TRABD2B: variants seen among roughly 807,000 people sequenced by gnomAD.
TRABD2B encodes the protein metalloprotease TIKI2.
In TRABD2B, 14 loss-of-function variants were observed where a neutral mutation model predicts 40.1. That is an observed-to-expected ratio of 0.35 (90% CI 0.23 to 0.55). The LOEUF is 0.55. Ranked by LOEUF, TRABD2B falls within the 20% of genes least tolerant of loss-of-function variation. TRABD2B has a pLI of 0.90. For synonymous variants in TRABD2B, 263 were observed against 277.0 expected, an observed-to-expected ratio of 0.95 and a Z score of 0.50; for missense variants, 541 against 648.6, an observed-to-expected ratio of 0.83 and a Z score of 1.80.
intron 2 of TRABD2B, among the ~76,000 whole-genome samples, chr1:47,986,685 T>C (rs1645923266): frequency 6.6e-6 from 1 of 151,892 alleles, no homozygotes; most frequent in African/African-American, 2.4e-5. Context: ...CCTTGAAAAA[T>C]CTCAGGATTC....
intron 2 of TRABD2B, among the ~76,000 whole-genome samples, chr1:47,956,946 G>A (rs1483268386): frequency 6.6e-6 from 1 of 152,200 alleles, no homozygotes; most frequent in African/African-American, 2.4e-5. Context: ...CTAACTGGGA[G>A]GCACCTCCCA....
intron 6 of TRABD2B, among the ~76,000 whole-genome samples, chr1:47,772,975 TCTC>T (rs1644396226): frequency 6.6e-6 from 1 of 152,228 alleles, no homozygotes; most frequent in Admixed American, 6.5e-5. Flanking sequence ...GCTGTTTTCT[TCTC>T]CTGAAATCAG....
rs149645982 is a variant in TRABD2B, at chr1:47,884,002, G to A, written c.667-82383C>T. Among the ~76,000 whole-genome samples, 9 of 152,364 alleles carry A rather than the reference G, an allele frequency of 5.9e-5. No individual in the cohort carries two copies. The East Asian group carries it at 1.7e-3, about 29-fold the overall frequency. On this transcript the variant is annotated intron_variant, in intron 2 of 6. Transcript: ENST00000606738. ...TGATTGTGCTTGACCCCCAGGGGAT[G>A]TGGGAGGATAAAATGTGGCCAGGTA...
At chr1:47,826,551 G>A (rs1486637232) in intron 2 of TRABD2B, among the ~76,000 whole-genome samples, 3 of 152,016 alleles carry the variant, frequency 2.0e-5, no homozygotes, top group African/African-American at 4.8e-5. Context: ...GTGAAGGGAC[G>A]TTTCTAGGAG....
intron 2 of TRABD2B, among the ~76,000 whole-genome samples, chr1:47,830,585 A>T (rs1645235457): frequency 6.6e-6 from 1 of 152,244 alleles, no homozygotes; most frequent in South Asian, 2.1e-4. Context: ...ACAATGTAAG[A>T]GTGGTGAAAG....
intron 2 of TRABD2B, among the ~76,000 whole-genome samples, chr1:47,920,577 T>C (rs1016272095): frequency 1.3e-5 from 2 of 152,236 alleles, no homozygotes; most frequent in African/African-American, 4.8e-5. Flanking sequence ...AGCATGGCTC[T>C]GAAGTGGGGA....
intron 2 of TRABD2B, among the ~76,000 whole-genome samples, chr1:47,913,638 A>G (rs1644791972): frequency 6.6e-6 from 1 of 152,046 alleles, no homozygotes; most frequent in African/African-American, 2.4e-5. Context: ...ATGAATACGA[A>G]CCGCTATGAA....
At chr1:47,840,722 T>C (rs897177516) in intron 2 of TRABD2B, among the ~76,000 whole-genome samples, 4 of 152,234 alleles carry the variant, frequency 2.6e-5, no homozygotes, top group Admixed American at 6.5e-5. Context: ...AACTCCCTGC[T>C]GGCAGCACTG....
At chr1:47,928,473 C>T (rs1557662392) in intron 2 of TRABD2B, among the ~76,000 whole-genome samples, 1 of 152,222 alleles carries the variant, frequency 6.6e-6, no homozygotes, top group Non-Finnish European at 1.5e-5. Flanking sequence ...CCTTCATCTG[C>T]ACTCCACAAC....
At chr1:47,823,741 G>T (rs1342805134) in intron 2 of TRABD2B, among the ~76,000 whole-genome samples, 1 of 152,216 alleles carries the variant, frequency 6.6e-6, no homozygotes, top group Non-Finnish European at 1.5e-5. Flanking sequence ...GGCAGCCGAG[G>T]CCTGTAAAGA....
At chr1:47,856,433 A>G (rs369206250) in intron 2 of TRABD2B, among the ~76,000 whole-genome samples, 15 of 152,364 alleles carry the variant, frequency 9.8e-5, no homozygotes, top group South Asian at 6.2e-4. Flanking sequence ...GGCTGGGTGG[A>G]TGAATGCAGT....
intron 2 of TRABD2B, among the ~76,000 whole-genome samples, chr1:47,887,992 C>G (rs74969496): frequency 0.023 from 3,495 of 152,344 alleles, 104 homozygotes; most frequent in Admixed American, 0.089. Context: ...GGTGACTTCA[C>G]AAGGGAGACA....
intron 2 of TRABD2B, among the ~76,000 whole-genome samples, chr1:47,838,627 TGAA>T (rs1250237944): frequency 2.0e-5 from 3 of 152,226 alleles, no homozygotes; most frequent in African/African-American, 7.2e-5. Flanking sequence ...AGTCATCCAC[TGAA>T]GAAGACTAAG....
At chr1:47,930,476 G>C (rs1189445359) in intron 2 of TRABD2B, among the ~76,000 whole-genome samples, 1 of 152,098 alleles carries the variant, frequency 6.6e-6, no homozygotes. Flanking sequence ...AGTGGGGAGA[G>C]AGGAGCTACG....
intron 2 of TRABD2B, among the ~76,000 whole-genome samples, chr1:47,825,602 C>T (rs1645164036): frequency 6.6e-6 from 1 of 152,248 alleles, no homozygotes; most frequent in Admixed American, 6.5e-5. Context: ...GGGCAGCATC[C>T]TTGGCACAGT....
intron 2 of TRABD2B, among the ~76,000 whole-genome samples, chr1:47,841,605 C>T (rs987624851): frequency 3.3e-5 from 5 of 152,182 alleles, no homozygotes; most frequent in South Asian, 4.2e-4. Context: ...GCCCACAGCC[C>T]GGTGGGAATC....
chr1:47,942,310 T>C (rs1420992987), intron 2 of TRABD2B, among the ~76,000 whole-genome samples: 1 of 152,170 alleles, frequency 6.6e-6, no homozygotes, highest in Non-Finnish European at 1.5e-5. Context: ...CTAGGCTCAT[T>C]GGCCCAGAGC....
In TRABD2B at chr1:47,781,574, A is replaced by G. The variant is rs138420381; in HGVS notation, c.989-3030T>C. Among the ~76,000 whole-genome samples the G allele has an allele frequency of 9.3e-4, 141 of 152,318 alleles. 2 individuals are homozygous for G. The highest frequency in any genetic ancestry group is 5.2e-3 in the Admixed American group (79 of 15,298). The stretch of plus-strand genomic sequence containing the variant: ...ATTCCACACCTTTATTGTTTTCTGT[A>G]AGACCCAAAACAGAAGACTTCAGAT... On this transcript the variant is annotated intron_variant, in intron 4 of 6. Coordinates refer to ENST00000606738, the MANE Select transcript of TRABD2B (RefSeq NM_001194986.2).
intron 6 of TRABD2B, among the ~76,000 whole-genome samples, chr1:47,767,558 A>G (rs1252227784): frequency 6.6e-6 from 1 of 152,176 alleles, no homozygotes; most frequent in Non-Finnish European, 1.5e-5. Context: ...TGTACTTAGG[A>G]AGAAACTGAG....
Sources: allele counts gnomAD v4.1 joint callset (sites outside exome capture counted in the v4.1 genomes callset), GRCh38; gene constraint gnomAD v4.1.1; transcripts MANE v1.5; gene names NCBI Gene and HGNC (gene_info 2026-07-23, HGNC 2026-07-21).